Variants in PLCB4 observed in about 807,000 individuals in gnomAD.
The protein encoded by PLCB4 is 1-phosphatidylinositol 4,5-bisphosphate phosphodiesterase beta-4.
Under a neutral mutation model 178.8 loss-of-function variants are expected in PLCB4, and 77 were observed. The ratio of observed to expected loss-of-function variants is 0.43; its 90% CI spans 0.36 to 0.52. The LOEUF is 0.52. Among genes scored for constraint, PLCB4 ranks in the 20% least tolerant of loss-of-function variants. The pLI is 0.00. For missense variants in PLCB4, 1,024 were observed against 1,453.4 expected (o/e 0.70, Z 4.80); for synonymous variants, 496 against 490.8 (o/e 1.01, Z -0.14).
chr20:9,341,722 C>G (rs1340718701), intron 7 of PLCB4, among the ~76,000 whole-genome samples: 4 of 151,416 alleles, frequency 2.6e-5, no homozygotes, highest in African/African-American at 9.7e-5. Context: ...CCATGTTGTT[C>G]CATGACCAGT....
chr20:9,432,212 A>T (rs1251888584), intron 28 of PLCB4, among the ~76,000 whole-genome samples: 1 of 151,928 alleles, frequency 6.6e-6, no homozygotes, highest in Non-Finnish European at 1.5e-5. Context: ...TGACACAAAA[A>T]TATACAAAAA....
chr20:9,201,296 G>A (rs1014154333), intron 2 of PLCB4, among the ~76,000 whole-genome samples: 2 of 152,118 alleles, frequency 1.3e-5, no homozygotes, highest in East Asian at 3.9e-4. Context: ...GTACCTGTGT[G>A]TATAGTACTG....
intron 3 of PLCB4, among the ~76,000 whole-genome samples, chr20:9,239,418 A>C (rs2094030855): frequency 1.3e-5 from 2 of 152,166 alleles, no homozygotes; most frequent in Non-Finnish European, 2.9e-5. Context: ...CACCCATCTC[A>C]CAGTTCATGG....
intron 7 of PLCB4, among the ~76,000 whole-genome samples, chr20:9,359,602 C>G (rs2035141277): frequency 6.6e-6 from 1 of 152,214 alleles, no homozygotes; most frequent in Admixed American, 6.5e-5. Context: ...CACCCAGGCT[C>G]AGGCTTCGGC....
chr20:9,411,621 A>G, intron 25 of PLCB4, among the ~76,000 whole-genome samples: 1 of 152,080 alleles, frequency 6.6e-6, no homozygotes, highest in South Asian at 2.1e-4. Flanking sequence ...CTTAAATAGC[A>G]CTCTTGAAAA....
intron 3 of PLCB4, among the ~76,000 whole-genome samples, chr20:9,222,536 G>A (rs1003938528): frequency 6.6e-6 from 1 of 152,186 alleles, no homozygotes; most frequent in Non-Finnish European, 1.5e-5. Context: ...TTAAGACAGC[G>A]AAAAGAAAGA....
At chr20:9,458,182 A>G (rs1198463194) in intron 34 of PLCB4, among the ~76,000 whole-genome samples, 1 of 152,180 alleles carries the variant, frequency 6.6e-6, no homozygotes, top group African/African-American at 2.4e-5. Context: ...ATCTATCTAT[A>G]TGCAGCTGTG....
At chr20:9,100,338 C>T (rs1426566255) in intron 2 of PLCB4, among the ~76,000 whole-genome samples, 4 of 152,148 alleles carry the variant, frequency 2.6e-5, no homozygotes, top group African/African-American at 4.8e-5. Context: ...ATCCTCCTTA[C>T]GTGGAATAAT....
intron 2 of PLCB4, among the ~76,000 whole-genome samples, chr20:9,117,196 A>G (rs772637968): frequency 6.6e-6 from 1 of 152,170 alleles, no homozygotes; most frequent in South Asian, 2.1e-4. Flanking sequence ...TGTTGAACAC[A>G]TGGGAAGTTC....
chr20:9,169,843 T>G, intron 2 of PLCB4, among the ~76,000 whole-genome samples: 1 of 152,304 alleles, frequency 6.6e-6, no homozygotes, highest in Non-Finnish European at 1.5e-5. Flanking sequence ...ATGAACACTT[T>G]ATTGCCTTTA....
chr20:9,249,372 A>C (rs1462275771), intron 3 of PLCB4, among the ~76,000 whole-genome samples: 6 of 152,182 alleles, frequency 3.9e-5, no homozygotes, highest in Non-Finnish European at 8.8e-5. Flanking sequence ...TAGTGGCACA[A>C]TCACAGGTCA....
At chr20:9,142,002 G>A (rs541141903) in intron 2 of PLCB4, among the ~76,000 whole-genome samples, 10 of 152,226 alleles carry the variant, frequency 6.6e-5, no homozygotes, top group Non-Finnish European at 1.2e-4. Flanking sequence ...AGGGAGTGGA[G>A]GGCTATGGCA....
At chr20:9,161,724 A>G (rs1019325142) in intron 2 of PLCB4, among the ~76,000 whole-genome samples, 1 of 152,206 alleles carries the variant, frequency 6.6e-6, no homozygotes, top group African/African-American at 2.4e-5. Flanking sequence ...AGAATAAAGT[A>G]TGTAGACAAA....
chr20:9,120,781 G>A (rs977332902), intron 2 of PLCB4, among the ~76,000 whole-genome samples: 4 of 151,972 alleles, frequency 2.6e-5, no homozygotes, highest in Non-Finnish European at 4.4e-5. Context: ...TAACTAGACC[G>A]TCAGGAGCCT....
At chr20:9,429,258 T>C (rs2041234425) in intron 28 of PLCB4, among the ~76,000 whole-genome samples, 1 of 152,136 alleles carries the variant, frequency 6.6e-6, no homozygotes, top group South Asian at 2.1e-4. Context: ...TTTGCATGCA[T>C]CCATCTCTAC....
intron 7 of PLCB4, among the ~76,000 whole-genome samples, chr20:9,359,866 A>G (rs760354482): frequency 2.0e-5 from 3 of 152,224 alleles, no homozygotes; most frequent in African/African-American, 4.8e-5. Flanking sequence ...TAACTTTCCA[A>G]CAAAACTCCA....
chr20:9,075,430 T>C (rs534621721), intron 1 of PLCB4, among the ~76,000 whole-genome samples: 1 of 152,384 alleles, frequency 6.6e-6, no homozygotes, highest in South Asian at 2.1e-4. Context: ...GTTTCTGCAG[T>C]TGCATGCCAG....
intron 24 of PLCB4, among the ~76,000 whole-genome samples, chr20:9,410,111 G>C (rs2148509533): frequency 6.6e-6 from 1 of 152,318 alleles, no homozygotes; most frequent in Admixed American, 6.5e-5. Flanking sequence ...TTGAGTGGAA[G>C]ATCCTTTGAC....
chr20:9,471,919 A>G (rs748884607), intron 36 of PLCB4, among the ~76,000 whole-genome samples: 11 of 152,166 alleles, frequency 7.2e-5, no homozygotes, highest in Admixed American at 3.9e-4. Flanking sequence ...TATGCACCAT[A>G]CTTCATCCAC....
Sources: allele counts gnomAD v4.1 joint callset (sites outside exome capture counted in the v4.1 genomes callset), GRCh38; gene constraint gnomAD v4.1.1; transcripts MANE v1.5; gene names NCBI Gene and HGNC (gene_info 2026-07-23, HGNC 2026-07-21).